Variants in UBQLN3 observed in about 807,000 individuals in gnomAD.
The protein encoded by UBQLN3 is ubiquilin 3, also known as ubiquilin-3.
In UBQLN3, 1 loss-of-function variant was observed where a neutral mutation model predicts 2.9. The observed-to-expected ratio is 0.35, with a 90% CI of 0.12 to 1.66. The LOEUF is 1.66. UBQLN3 is among the 40% of genes most tolerant of loss of function. The pLI is 0.35. For missense variants in UBQLN3, 924 were observed against 816.5 expected, an observed-to-expected ratio of 1.13 and a Z score of -1.61; for synonymous variants, 358 against 317.6, an observed-to-expected ratio of 1.13 and a Z score of -1.35.
Position 5,507,371 on chromosome 11 carries a change from T to G in UBQLN3, c.*220A>C. ...CAGAGCTTAGACTGGGGCCCCCCAG[T>G]GGTATAGTGGTACAAGTGGTTGACT... On this transcript the variant is annotated 3_prime_UTR_variant, in exon 2 of 2. Coordinates refer to ENST00000311659, the MANE Select transcript of UBQLN3 (RefSeq NM_017481.4). 2.3e-6 allele frequency: 2 copies of G among 855,584 alleles called. No homozygotes were observed. The highest frequency in any genetic ancestry group is 3.3e-6 in the Non-Finnish European group (2 of 607,084). The allele number at this position is 855,584 out of a possible 1,614,324, so 53.0% of individuals were successfully genotyped here.
Position 5,507,827 on chromosome 11 carries a change from C to G in UBQLN3, c.1732G>C (p.Glu578Gln). The G allele has an allele frequency of 6.2e-7, 1 of 1,613,988 alleles. No homozygotes were observed. The highest frequency in any genetic ancestry group is 1.3e-5 in the African/African-American group (1 of 75,052). ...GCAGAGTCCAGTGCTGGGAACACCT[C>G]AGGAGGTGGATTTGGGAGAGGATCC... ...SEDPLPNPPP[E>Q]VFPALDSAEL... The change falls in exon 2 of 2, where the codon GAG (glutamate) becomes CAG (glutamine). Residue 578 changes from glutamate to glutamine, a missense_variant. Transcript: ENST00000311659.
Position 5,508,007 on chromosome 11 carries a change from G to T in UBQLN3, c.1552C>A (p.Pro518Thr). 6.2e-7 allele frequency: 1 copy of T among 1,614,076 alleles called. No homozygotes were observed. ...TGCCGCAGGGCTTGCAGGGCACGGG[G>T]GTTTGCCATGGCTGCCTGAAGGTGC... is the stretch of plus-strand genomic sequence containing the variant. ...LMHLQAAMAN[P>T]RALQALRQIE... Residue 518 changes from proline to threonine, a missense_variant, in exon 2 of 2, where the codon CCC (proline) becomes ACC (threonine). Transcript: ENST00000311659. The surrounding 1 kb of genome is among the most constrained non-coding windows in gnomAD (Gnocchi z 4.2).
rs1164267569 is a variant in UBQLN3, at chr11:5,507,641, C to A, written c.1918G>T (p.Ala640Ser). 1.2e-6 allele frequency: 2 copies of A among 1,613,726 alleles called. No homozygotes were observed. Among genetic ancestry groups the A allele is most frequent in the Non-Finnish European group, 1.7e-6 (2 of 1,179,758 alleles). The change falls in exon 2 of 2, where the codon GCT (alanine) becomes TCT (serine). Residue 640 changes from alanine to serine, a missense_variant. Ala to Ser is a moderately conservative substitution (Grantham distance 99, BLOSUM62 1). Coordinates refer to ENST00000311659, the MANE Select transcript of UBQLN3 (RefSeq NM_017481.4). ...GCAGCATCCACGTCGCCCCCCGTAG[C>A]AATGAGGGCCTGAAGATTGGCTTCA... The part of the protein sequence containing the change: ...NREANLQALI[A>S]TGGDVDAAVE...
At position 5,508,876 on chromosome 11, in the gene UBQLN3, G is replaced by A. The variant is rs1424317154; in HGVS notation, c.683C>T (p.Ala228Val). The change falls in exon 2 of 2, where the codon GCC becomes GTC. Residue 228 changes from alanine (A) to valine (V), a missense_variant. By Grantham distance (64) the Ala-to-Val change is moderately conservative. Coordinates refer to ENST00000311659, the MANE Select transcript of UBQLN3 (RefSeq NM_017481.4). The surrounding 1 kb of genome is among the most constrained non-coding windows in gnomAD (Gnocchi z 4.2). Reference protein sequence around the residue: ...RQTLEFLRNPAMMQEMIRSQD... With the variant: ...RQTLEFLRNPVMMQEMIRSQD... ...GCTACGTATCATCTCCTGCATCATG[G>A]CAGGGTTACGTAAAAACTCCAGTGT... The A allele has an allele frequency of 1.9e-6, 3 of 1,614,170 alleles. No individual in the cohort carries two copies. The highest frequency in any genetic ancestry group is 1.7e-5 in the Admixed American group (1 of 60,022).
At position 5,508,794 on chromosome 11, in the gene UBQLN3, G is replaced by A; in HGVS notation, c.765C>T (p.Cys255=). 6.2e-7 allele frequency: 1 copy of A among 1,614,166 alleles called. No homozygotes were observed. The highest frequency in any genetic ancestry group is 8.5e-7 in the Non-Finnish European group (1 of 1,180,036). ...ESIPGGYNVL[C]TMYTDIMDPM... is the part of the protein sequence containing the mutation. ...GGTCCATAATATCTGTGTACATAGT[G>A]CAAAGCACATTGTAGCCACCAGGAA... is the stretch of plus-strand genomic sequence containing the variant. The change falls in exon 2 of 2, where the codon TGC becomes TGT. Residue 255 remains cysteine (C), a synonymous_variant. Coordinates refer to ENST00000311659, the MANE Select transcript of UBQLN3 (RefSeq NM_017481.4). The surrounding 1 kb of genome is among the most constrained non-coding windows in gnomAD (Gnocchi z 4.2).
chr11:5,507,691 A>G lies in UBQLN3; in HGVS notation c.1868T>C (p.Leu623Pro), dbSNP rs771907218. 3.7e-6 allele frequency: 6 copies of G among 1,613,974 alleles called. No homozygotes were observed. The highest frequency in any genetic ancestry group is 2.5e-6 in the Non-Finnish European group (3 of 1,180,008). ...EAHFQVQLEQ[L>P]RSMGFLNREA... is the part of the protein sequence containing the mutation. ...ACGATTCAGAAAGCCCATGGACCGCAGTTGCTCCAGCTGCACCTGAAAGTG... is the reference window on the plus strand; with the variant it reads ...ACGATTCAGAAAGCCCATGGACCGCGGTTGCTCCAGCTGCACCTGAAAGTG... Residue 623 changes from leucine (L) to proline (P), a missense_variant, in exon 2 of 2, where the codon CTG becomes CCG. Leu to Pro is a moderately conservative substitution (Grantham distance 98). Coordinates refer to ENST00000311659, the MANE Select transcript of UBQLN3 (RefSeq NM_017481.4).
In UBQLN3 at chr11:5,509,438, A is replaced by G. The variant is rs1264867347; in HGVS notation, c.121T>C (p.Cys41Arg). 1 of 1,614,174 alleles carries G rather than the reference A, an allele frequency of 6.2e-7. No individual in the cohort carries two copies. The highest frequency in any genetic ancestry group is 8.5e-7 in the Non-Finnish European group (1 of 1,179,984). The change falls in exon 2 of 2, where the codon TGC (cysteine) becomes CGC (arginine). Residue 41 changes from cysteine (C) to arginine (R), a missense_variant. By Grantham distance (180) the Cys-to-Arg change is radical. Coordinates refer to ENST00000311659, the MANE Select transcript of UBQLN3 (RefSeq NM_017481.4). ...TCTTCCTTCAGCTGCTGGATAGTGC[A>G]TGTGTCTGTAACTGAGAAATCCTCC... is the stretch of plus-strand genomic sequence containing the variant. ...DKEDFSVTDTCTIQQLKEEIS... is the reference protein window; with the variant it reads ...DKEDFSVTDTRTIQQLKEEIS...
Position 5,508,150 on chromosome 11 carries a change from C to G in UBQLN3, c.1409G>C (p.Gly470Ala). 1 of 1,614,190 alleles carries G rather than the reference C, an allele frequency of 6.2e-7. No homozygotes were observed. The highest frequency in any genetic ancestry group is 8.5e-7 in the Non-Finnish European group (1 of 1,180,042). ...TGGCAGCCAGGGAGGCTCAGGGATT[C>G]CAGGAATGGCTGCCGTGGGGGAAAA... ...LSFSPTAAIPGIPEPPWLPSP... is the reference protein window; with the variant it reads ...LSFSPTAAIPAIPEPPWLPSP... The change falls in exon 2 of 2, where the codon GGA (glycine) becomes GCA (alanine). Residue 470 changes from glycine to alanine, a missense_variant. Coordinates refer to ENST00000311659, the MANE Select transcript of UBQLN3 (RefSeq NM_017481.4). This position sits in a 1 kb window ranked among gnomAD's most constrained non-coding sequence, Gnocchi z 4.2.
In UBQLN3 at chr11:5,508,215, C is replaced by G. The variant is rs559044353; in HGVS notation, c.1344G>C (p.Leu448=). ...ATGGAACCCTGTTGGCAGAATCTCC[C>G]AGCCCCGAGACAAGATCAGGCAAGT... ...STNLPDLVSG[L]GDSANRVPFA... Residue 448 remains leucine (L), a synonymous_variant, in exon 2 of 2, where the codon CTG becomes CTC. Transcript: ENST00000311659. This position sits in a 1 kb window ranked among gnomAD's most constrained non-coding sequence, Gnocchi z 4.2. 1.2e-5 allele frequency: 19 copies of G among 1,614,142 alleles called. No individual in the cohort carries two copies. In the East Asian group the frequency reaches 3.8e-4, roughly 32 times the overall value.
Position 5,507,710 on chromosome 11 carries a change from G to C in UBQLN3, c.1849C>G (p.Gln617Glu), listed in dbSNP as rs1170990521. The C allele has an allele frequency of 1.2e-6, 2 of 1,614,086 alleles. No individual in the cohort carries two copies. The highest frequency in any genetic ancestry group is 1.7e-6 in the Non-Finnish European group (2 of 1,180,004). The change falls in exon 2 of 2, where the codon CAG (glutamine) becomes GAG (glutamate). Residue 617 changes from glutamine to glutamate, a missense_variant. Physicochemically the swap from Gln to Glu is conservative, Grantham distance 29. Transcript: ENST00000311659. ...GACCGCAGTTGCTCCAGCTGCACCT[G>C]AAAGTGAGCCTCAGGCTGCAGCTGC... Reference protein sequence around the residue: ...PQQLQPEAHFQVQLEQLRSMG... With the variant: ...PQQLQPEAHFEVQLEQLRSMG...
chr11:5,509,720 CA>C, intron 1 of UBQLN3, 126 bp from the exon 2 acceptor site: 6 of 1,228,956 alleles, frequency 4.9e-6, no homozygotes, highest in Non-Finnish European at 6.6e-6. Flanking sequence ...TGAAAGGGGC[CA>C]TGAGGTTTCT....
Position 5,507,703 on chromosome 11 carries a change from T to A in UBQLN3, c.1856A>T (p.Gln619Leu), listed in dbSNP as rs780051127. 4.3e-6 allele frequency: 7 copies of A among 1,614,084 alleles called. No homozygotes were observed. The highest frequency in any genetic ancestry group is 2.5e-6 in the Non-Finnish European group (3 of 1,180,000). Residue 619 changes from glutamine (Q) to leucine (L), a missense_variant, in exon 2 of 2, where the codon CAG becomes CTG. By Grantham distance (113) the Gln-to-Leu change is moderately radical. Coordinates refer to ENST00000311659, the MANE Select transcript of UBQLN3 (RefSeq NM_017481.4). Reference protein sequence around the residue: ...QLQPEAHFQVQLEQLRSMGFL... With the variant: ...QLQPEAHFQVLLEQLRSMGFL... ...GCCCATGGACCGCAGTTGCTCCAGC[T>A]GCACCTGAAAGTGAGCCTCAGGCTG...
chr11:5,508,982 C>A lies in UBQLN3; in HGVS notation c.577G>T (p.Asp193Tyr). Residue 193 changes from aspartate (D) to tyrosine (Y), a missense_variant, in exon 2 of 2, where the codon GAC becomes TAC. Coordinates refer to ENST00000311659, the MANE Select transcript of UBQLN3 (RefSeq NM_017481.4). The surrounding 1 kb of genome is among the most constrained non-coding windows in gnomAD (Gnocchi z 4.2). ...ATCAGCTGCTGCATATGGGGGTTGTCAAGAACCAGCTGGCGTACTAGGCCT... is the reference window on the plus strand; with the variant it reads ...ATCAGCTGCTGCATATGGGGGTTGTAAAGAACCAGCTGGCGTACTAGGCCT... ...NTGLVRQLVL[D>Y]NPHMQQLIQH... 1 of 1,614,184 alleles carries A rather than the reference C, an allele frequency of 6.2e-7. No homozygotes were observed. Among genetic ancestry groups the A allele is most frequent in the Middle Eastern group, 1.6e-4 (1 of 6,062 alleles).
In UBQLN3 at chr11:5,507,667, C is replaced by T. The variant is rs199605391; in HGVS notation, c.1892G>A (p.Arg631His). The part of the protein sequence containing the change: ...EQLRSMGFLN[R>H]EANLQALIAT... ...AATGAGGGCCTGAAGATTGGCTTCA[C>T]GATTCAGAAAGCCCATGGACCGCAG... Residue 631 changes from arginine (R) to histidine (H), a missense_variant, in exon 2 of 2, where the codon CGT becomes CAT. Arg to His is a conservative substitution (Grantham distance 29, BLOSUM62 0). Transcript: ENST00000311659. The T allele has an allele frequency of 3.8e-5, 62 of 1,613,964 alleles. No homozygotes were observed. Among genetic ancestry groups the T allele is most frequent in the Admixed American group, 2.5e-4 (15 of 60,006 alleles).
chr11:5,507,383 A>G lies in UBQLN3; in HGVS notation c.*208T>C, dbSNP rs1846390934. On this transcript the variant is annotated 3_prime_UTR_variant, in exon 2 of 2. Coordinates refer to ENST00000311659, the MANE Select transcript of UBQLN3 (RefSeq NM_017481.4). ...TGGGGCCCCCCAGTGGTATAGTGGT[A>G]CAAGTGGTTGACTCACACACAGCAC... 3.0e-6 allele frequency: 3 copies of G among 1,009,744 alleles called. No individual in the cohort carries two copies. The highest frequency in any genetic ancestry group is 3.3e-5 in the African/African-American group (2 of 61,482). 62.5% of individuals were successfully genotyped at this position (1,009,744 alleles called of 1,614,324 possible).
chr11:5,509,468 CT>C lies in UBQLN3; in HGVS notation c.90del (p.Asp31ThrfsTer16). On this transcript the variant is annotated frameshift_variant, in exon 2 of 2. Coordinates refer to ENST00000311659, the MANE Select transcript of UBQLN3 (RefSeq NM_017481.4). LOFTEE classifies it low-confidence loss of function (END_TRUNC). ...TCTGTAACTGAGAAATCCTCCTTGT[CT>C]TTGGGCGTCTTCACTGTCACCTTGA... ...HLIKVTVKTP[K>X]DKEDFSVTDT... 1 of 1,614,224 alleles carries C rather than the reference CT, an allele frequency of 6.2e-7. No homozygotes were observed. Among genetic ancestry groups the C allele is most frequent in the South Asian group, 1.1e-5 (1 of 91,082 alleles).
rs141131818 is a variant in UBQLN3, at chr11:5,508,004, G to C, written c.1555C>G (p.Arg519Gly). 1.2e-6 allele frequency: 2 copies of C among 1,614,054 alleles called. No individual in the cohort carries two copies. Among genetic ancestry groups the C allele is most frequent in the Non-Finnish European group, 1.7e-6 (2 of 1,180,036 alleles). The change falls in exon 2 of 2, where the codon CGT (arginine) becomes GGT (glycine). Residue 519 changes from arginine to glycine, a missense_variant. Coordinates refer to ENST00000311659, the MANE Select transcript of UBQLN3 (RefSeq NM_017481.4). This position sits in a 1 kb window ranked among gnomAD's most constrained non-coding sequence, Gnocchi z 4.2. ...MHLQAAMANPRALQALRQIEQ... is the reference protein window; with the variant it reads ...MHLQAAMANPGALQALRQIEQ... ...ATCTGCCGCAGGGCTTGCAGGGCAC[G>C]GGGGTTTGCCATGGCTGCCTGAAGG...
chr11:5,508,657 G>A lies in UBQLN3; in HGVS notation c.902C>T (p.Pro301Leu). ...TGTGGAAGTCCAGGGGTTGGGGAGA[G>A]GGTCACAATTCTCCATCCTTGAAGG... Reference protein sequence around the residue: ...SQPSRMENCDPLPNPWTSTHG... With the variant: ...SQPSRMENCDLLPNPWTSTHG... The change falls in exon 2 of 2, where the codon CCT becomes CTT. Residue 301 changes from proline to leucine, a missense_variant. Pro to Leu is a moderately conservative substitution (Grantham distance 98). Transcript: ENST00000311659. The surrounding 1 kb of genome is among the most constrained non-coding windows in gnomAD (Gnocchi z 4.2). 1 of 1,614,032 alleles carries A rather than the reference G, an allele frequency of 6.2e-7. No homozygotes were observed. Among genetic ancestry groups the A allele is most frequent in the Non-Finnish European group, 8.5e-7 (1 of 1,180,004 alleles).
Position 5,508,950 on chromosome 11 carries a change from G to A in UBQLN3, c.609C>T (p.His203=). Residue 203 remains histidine (H), a synonymous_variant, in exon 2 of 2, where the codon CAC becomes CAT. Coordinates refer to ENST00000311659, the MANE Select transcript of UBQLN3 (RefSeq NM_017481.4). The surrounding 1 kb of genome is among the most constrained non-coding windows in gnomAD (Gnocchi z 4.2). ...TAAGAATATGCCCAATCTCAGGGTT[G>A]TGCTGGATCAGCTGCTGCATATGGG... The part of the protein sequence containing the change: ...DNPHMQQLIQ[H]NPEIGHILNN... The A allele has an allele frequency of 1.2e-6, 2 of 1,614,206 alleles. No individual in the cohort carries two copies. Among genetic ancestry groups the A allele is most frequent in the Non-Finnish European group, 1.7e-6 (2 of 1,180,048 alleles).
Sources: gnomAD v4.1 joint callset for allele counts on GRCh38, gnomAD v4.1.1 for gene constraint, Gnocchi (gnomAD v3.1) non-coding constraint, MANE v1.5 for transcripts, NCBI Gene and HGNC (gene_info 2026-07-23, HGNC 2026-07-21) for gene names.